NIPSNAP1: variants seen among roughly 807,000 people sequenced by gnomAD.
NIPSNAP1 encodes the protein nipsnap homolog 1.
NIPSNAP1 carries 25 observed loss-of-function variants against 49.2 expected under a neutral mutation model. The observed-to-expected ratio is 0.51, with a 90% CI of 0.37 to 0.71. The LOEUF is 0.71. NIPSNAP1 is among the 30% of genes least tolerant of loss of function. NIPSNAP1 has a pLI of 0.00. For synonymous variants in NIPSNAP1, 143 were observed against 140.7 expected, an observed-to-expected ratio of 1.02 and a Z score of -0.12; for missense variants, 294 against 361.0, an observed-to-expected ratio of 0.81 and a Z score of 1.50.
chr22:29,557,728 G>T (rs761282053), intron 9 of NIPSNAP1, among the ~76,000 whole-genome samples: 5 of 152,192 alleles, frequency 3.3e-5, no homozygotes, highest in Non-Finnish European at 5.9e-5. Context: ...ACCATACCCA[G>T]CTGGGACCAC....
chr22:29,567,478 G>A (rs2064375956), intron 4 of NIPSNAP1, among the ~76,000 whole-genome samples: 1 of 152,166 alleles, frequency 6.6e-6, no homozygotes, highest in Non-Finnish European at 1.5e-5. Context: ...GGCCTGGAGA[G>A]CTAAGGAAGG....
intron 1 of NIPSNAP1, chr22:29,580,395 G>GCACTC: frequency 2.2e-6 from 1 of 464,918 alleles, no homozygotes; most frequent in South Asian, 9.2e-5. Flanking sequence ...CTCCCAGGAG[G>GCACTC]CCACCAGTTG....
Position 29,558,880 on chromosome 22 carries a change from G to A in NIPSNAP1, c.780C>T (p.Val260=). 3.7e-6 allele frequency: 6 copies of A among 1,613,312 alleles called. No individual in the cohort carries two copies. Among genetic ancestry groups the A allele is most frequent in the Non-Finnish European group, 5.1e-6 (6 of 1,179,266 alleles). The stretch of plus-strand genomic sequence containing the variant: ...AAAGGCTTCACTCACCTGTATAGTA[G>A]ACATTTTCATCCCAGCCTCTCTTCC... ...AWRKRGWDEN[V]YYTVPLVRHM... Residue 260 remains valine, a synonymous_variant, in exon 9 of 10, where the codon GTC becomes GTT. Transcript: ENST00000216121.
In NIPSNAP1 at chr22:29,555,736, C is replaced by G; in HGVS notation, c.*199G>C. On this transcript the variant is annotated 3_prime_UTR_variant, in exon 10 of 10. Coordinates refer to ENST00000216121, the MANE Select transcript of NIPSNAP1 (RefSeq NM_003634.4). ...CTTCTAGCAGGGGGAGGGAGGCAGG[C>G]AGGGAAAGTAGAAAGGGCCTGGGCA... 1 of 601,320 alleles carries G rather than the reference C, an allele frequency of 1.7e-6. No homozygotes were observed. Among genetic ancestry groups the G allele is most frequent in the South Asian group, 2.0e-5 (1 of 50,784 alleles). The allele number at this position is 601,320 out of a possible 1,614,324, so 37.2% of individuals were successfully genotyped here. A position where few individuals can be genotyped will look rare whatever the true frequency, so the allele number is the denominator to read the frequency against.
At chr22:29,560,257 C>CT (rs1342247063) in intron 8 of NIPSNAP1, among the ~76,000 whole-genome samples, 7 of 136,036 alleles carry the variant, frequency 5.1e-5, no homozygotes, top group East Asian at 2.1e-4. Flanking sequence ...TTTTTTTCTT[C>CT]TTTTTTTTTG....
intron 4 of NIPSNAP1, among the ~76,000 whole-genome samples, chr22:29,562,706 T>C (rs2064344193): frequency 6.6e-6 from 1 of 151,560 alleles, no homozygotes; most frequent in Non-Finnish European, 1.5e-5. Flanking sequence ...AAAAAGAGAT[T>C]GACAGTAGAT....
intron 9 of NIPSNAP1, among the ~76,000 whole-genome samples, chr22:29,557,266 G>C (rs1462038690): frequency 6.6e-6 from 1 of 151,938 alleles, no homozygotes; most frequent in Non-Finnish European, 1.5e-5. Flanking sequence ...TTACAGGCTT[G>C]AGTTACCATG....
chr22:29,570,278 G>A, intron 2 of NIPSNAP1, 71 bp from the exon 3 acceptor site: 2 of 1,593,558 alleles, frequency 1.3e-6, no homozygotes, highest in South Asian at 1.1e-5. Context: ...GGTGAGGGGA[G>A]CCCATCAAGG....
intron 1 of NIPSNAP1, among the ~76,000 whole-genome samples, chr22:29,574,283 A>AGAAAAGAAAG (rs368247073): frequency 0.12 from 13,466 of 110,946 alleles, 1,620 homozygotes; most frequent in East Asian, 0.44. Flanking sequence ...AAAAAAAAAA[A>AGAAAAGAAAG]AAAAAAAAAG....
chr22:29,572,318 AAAAAG>A (rs1285061613), intron 1 of NIPSNAP1, among the ~76,000 whole-genome samples: 1 of 151,754 alleles, frequency 6.6e-6, no homozygotes, highest in Non-Finnish European at 1.5e-5. Context: ...AAAAAAAAAA[AAAAAG>A]GACAAATGTC....
At chr22:29,577,902 T>G in intron 1 of NIPSNAP1, among the ~76,000 whole-genome samples, 1 of 145,864 alleles carries the variant, frequency 6.9e-6, no homozygotes, top group East Asian at 2.0e-4. Flanking sequence ...CTAATTTTTT[T>G]TTTTTTTTTT....
chr22:29,574,984 G>T (rs1480021132), intron 1 of NIPSNAP1, among the ~76,000 whole-genome samples: 1 of 152,132 alleles, frequency 6.6e-6, no homozygotes, highest in Non-Finnish European at 1.5e-5. Context: ...AAGAAGCCCA[G>T]AGAGTTTAAG....
In NIPSNAP1 at chr22:29,581,108, G is replaced by A. The variant is rs1473746057; in HGVS notation, c.-26C>T. On this transcript the variant is annotated 5_prime_UTR_variant, in exon 1 of 10. Transcript: ENST00000216121. ...GTTGGAGCCGCAAAGGTTGCAGGAA[G>A]GCCCCGCCCCCAAGCCCTGGTGGCG... The A allele has an allele frequency of 1.3e-6, 2 of 1,537,150 alleles. No homozygotes were observed. The highest frequency in any genetic ancestry group is 1.7e-6 in the Non-Finnish European group (2 of 1,143,742).
At chr22:29,568,774 CAA>C (rs1253388447) in intron 4 of NIPSNAP1, among the ~76,000 whole-genome samples, 1 of 151,930 alleles carries the variant, frequency 6.6e-6, no homozygotes, top group Non-Finnish European at 1.5e-5. Flanking sequence ...CCTGGGGCAA[CAA>C]GAGTGAAACT....
rs571270739 is a variant in NIPSNAP1 at position 29,561,313 on chromosome 22, C to A, written c.580-111G>T. On this transcript the variant is annotated intron_variant, in intron 6 of 9. Coordinates refer to ENST00000216121, the MANE Select transcript of NIPSNAP1 (RefSeq NM_003634.4). ...TGTCTCCCCACCTCCCAAGCTGCAG[C>A]GGCCATTTGGCCTCATTCGCAGGCC... is the stretch of plus-strand genomic sequence containing the variant. 7.4e-6 allele frequency: 11 copies of A among 1,485,972 alleles called. No homozygotes were observed. In the East Asian group the frequency reaches 2.0e-4, roughly 28 times the overall value. The allele number at this position is 1,485,972 out of a possible 1,614,324, so 92.0% of individuals were successfully genotyped here.
intron 4 of NIPSNAP1, among the ~76,000 whole-genome samples, chr22:29,563,995 A>G (rs2064353349): frequency 6.6e-6 from 1 of 152,200 alleles, no homozygotes; most frequent in African/African-American, 2.4e-5. Flanking sequence ...TAAGCCACCC[A>G]GTTTGCGGTA....
chr22:29,556,575 A>G (rs2064296128), intron 9 of NIPSNAP1, among the ~76,000 whole-genome samples: 1 of 152,174 alleles, frequency 6.6e-6, no homozygotes, highest in Non-Finnish European at 1.5e-5. Context: ...CTCGTTTTAC[A>G]GATAGAGAGG....
At position 29,576,208 on chromosome 22, in the gene NIPSNAP1, C is replaced by T. The variant is rs145131781; in HGVS notation, c.98+4777G>A. Among the ~76,000 whole-genome samples, 322 of 148,918 alleles carry T rather than the reference C, an allele frequency of 2.2e-3. 19 individuals are homozygous for T. Among genetic ancestry groups the T allele is most frequent in the African/African-American group, 7.8e-3 (306 of 39,448 alleles). Reference sequence around the variant, plus strand: ...TAATTTTTGTATGTTTTAGTAGAGACGGGGTTTCACCATGTTGGTCAGGCT... The same window carrying T: ...TAATTTTTGTATGTTTTAGTAGAGATGGGGTTTCACCATGTTGGTCAGGCT... On this transcript the variant is annotated intron_variant, in intron 1 of 9. Coordinates refer to ENST00000216121, the MANE Select transcript of NIPSNAP1 (RefSeq NM_003634.4).
chr22:29,579,936 T>C (rs1478202745), intron 1 of NIPSNAP1: 16 of 497,726 alleles, frequency 3.2e-5, no homozygotes, highest in South Asian at 2.3e-4. Flanking sequence ...GGGGCGCTTA[T>C]GCCACTCCTC....
Sources: gnomAD v4.1 joint callset for allele counts (sites outside exome capture counted in the v4.1 genomes callset) on GRCh38, gnomAD v4.1.1 for gene constraint, MANE v1.5 for transcripts, NCBI Gene and HGNC (gene_info 2026-07-23, HGNC 2026-07-21) for gene names.